The following STPG2 variants were observed in gnomAD, a reference collection of about 807,000 sequenced individuals.
The protein encoded by STPG2 is sperm-tail PG-rich repeat-containing protein 2.
STPG2 carries 56 observed loss-of-function variants against 54.2 expected under a neutral mutation model. The observed-to-expected ratio is 1.03, with a 90% confidence interval of 0.83 to 1.29. STPG2 has a LOEUF of 1.29. Among genes scored for constraint, STPG2 ranks in the 50% most tolerant of loss-of-function variants. The pLI is 0.00. For synonymous variants in STPG2, 200 were observed against 181.8 expected (o/e 1.10, Z -0.81); for missense variants, 596 against 544.9 (o/e 1.09, Z -0.93).
At chr4:97,567,052 A>G (rs569091881) in intron 10 of STPG2, among the ~76,000 whole-genome samples, 11 of 152,008 alleles carry the variant, frequency 7.2e-5, no homozygotes, top group African/African-American at 2.7e-4. Flanking sequence ...ATAAATAAAT[A>G]AATAAAAGAA....
chr4:97,624,751 T>C (rs1163789724), intron 10 of STPG2, among the ~76,000 whole-genome samples: 1 of 152,196 alleles, frequency 6.6e-6, no homozygotes, highest in Non-Finnish European at 1.5e-5. Flanking sequence ...TTTATAGTTT[T>C]GGATGTTCCA....
At chr4:97,812,018 A>T (rs1420256147) in intron 9 of STPG2, among the ~76,000 whole-genome samples, 1 of 152,122 alleles carries the variant, frequency 6.6e-6, no homozygotes, top group Non-Finnish European at 1.5e-5. Flanking sequence ...AGGCCTTTTT[A>T]GCGACTGACA....
At chr4:97,760,082 C>A (rs972665550) in intron 9 of STPG2, among the ~76,000 whole-genome samples, 1 of 152,138 alleles carries the variant, frequency 6.6e-6, no homozygotes, top group African/African-American at 2.4e-5. Flanking sequence ...TATGGGCTAT[C>A]GCTCAAACAG....
At chr4:97,706,648 G>A (rs1315926294) in intron 10 of STPG2, among the ~76,000 whole-genome samples, 2 of 152,126 alleles carry the variant, frequency 1.3e-5, no homozygotes, top group Admixed American at 6.5e-5. Flanking sequence ...ACTTGGGGCA[G>A]GATGAACATT....
intron 8 of STPG2, among the ~76,000 whole-genome samples, chr4:97,904,171 C>T (rs544064928): frequency 6.6e-6 from 1 of 152,180 alleles, no homozygotes; most frequent in Non-Finnish European, 1.5e-5. Flanking sequence ...AAAAAGACAG[C>T]AGTAACCTCT....
chr4:97,738,045 A>G (rs1725076661), intron 9 of STPG2, among the ~76,000 whole-genome samples: 3 of 152,202 alleles, frequency 2.0e-5, no homozygotes, highest in Non-Finnish European at 4.4e-5. Context: ...GAAGAGAGCG[A>G]AGGCCAATAT....
At chr4:97,888,933 C>A (rs1475737988) in intron 8 of STPG2, among the ~76,000 whole-genome samples, 2 of 151,954 alleles carry the variant, frequency 1.3e-5, no homozygotes, top group Non-Finnish European at 2.9e-5. Context: ...GTGTATGGCA[C>A]CTCCCTCCAC....
chr4:98,068,010 C>A (rs555113149), intron 5 of STPG2, among the ~76,000 whole-genome samples: 71 of 152,218 alleles, frequency 4.7e-4, no homozygotes, highest in Middle Eastern at 3.4e-3. Flanking sequence ...ATGACCCAGG[C>A]GTCCAAACCT....
At chr4:97,660,775 G>A (rs977457798) in intron 10 of STPG2, among the ~76,000 whole-genome samples, 2 of 152,126 alleles carry the variant, frequency 1.3e-5, no homozygotes, top group South Asian at 2.1e-4. Flanking sequence ...CAGTTTTATA[G>A]ACAACGAAAT....
intron 10 of STPG2, among the ~76,000 whole-genome samples, chr4:97,678,612 G>T (rs1308336395): frequency 6.6e-6 from 1 of 150,944 alleles, no homozygotes; most frequent in African/African-American, 2.4e-5. Context: ...TTTATTTTTT[G>T]ACTTCTTTTA....
intron 5 of STPG2, among the ~76,000 whole-genome samples, chr4:98,039,825 T>C (rs1736893736): frequency 6.6e-6 from 1 of 151,804 alleles, no homozygotes; most frequent in Non-Finnish European, 1.5e-5. Flanking sequence ...GTATTTTCCT[T>C]TGGGTAGATA....
chr4:97,762,586 G>A (rs1055122645), intron 9 of STPG2, among the ~76,000 whole-genome samples: 1 of 152,010 alleles, frequency 6.6e-6, no homozygotes, highest in Non-Finnish European at 1.5e-5. Flanking sequence ...ATGCCTCAGG[G>A]GAAAACATAC....
At chr4:97,539,499 TA>T (rs1560650526) in intron 4 of STPG2, among the ~76,000 whole-genome samples, 34 of 152,220 alleles carry the variant, frequency 2.2e-4, no homozygotes, top group Non-Finnish European at 1.5e-5. Flanking sequence ...CTAACTATCG[TA>T]AATATTTATG....
chr4:97,540,921 C>T (rs1006815513), intron 4 of STPG2, among the ~76,000 whole-genome samples: 5 of 152,068 alleles, frequency 3.3e-5, no homozygotes, highest in African/African-American at 1.2e-4. Context: ...TTTCAACAGC[C>T]ATTCATGCTA....
chr4:97,670,050 T>TA (rs1722651048), intron 10 of STPG2, among the ~76,000 whole-genome samples: 1 of 152,004 alleles, frequency 6.6e-6, no homozygotes, highest in African/African-American at 2.4e-5. Context: ...GTATCCTTTT[T>TA]TAAAAAAATT....
chr4:97,967,623 G>A lies in STPG2; in HGVS notation c.933+4657C>T, dbSNP rs534193787. Reference sequence around the variant, plus strand: ...ATAGTTGGAAGTAAAACACTCCTCAGCAAATGCAAAAGAACAGAAATCACA... The same window carrying A: ...ATAGTTGGAAGTAAAACACTCCTCAACAAATGCAAAAGAACAGAAATCACA... On this transcript the variant is annotated intron_variant, in intron 7 of 10. Coordinates refer to ENST00000295268, the MANE Select transcript of STPG2 (RefSeq NM_174952.3). Among the ~76,000 whole-genome samples the A allele has an allele frequency of 4.2e-3, 640 of 152,226 alleles. 3 individuals are homozygous for A. Among genetic ancestry groups the A allele is most frequent in the South Asian group, 0.024 (116 of 4,818 alleles).
intron 9 of STPG2, among the ~76,000 whole-genome samples, chr4:97,825,420 G>T (rs767213054): frequency 6.6e-6 from 1 of 152,068 alleles, no homozygotes; most frequent in Non-Finnish European, 1.5e-5. Flanking sequence ...CATGCTCTTC[G>T]ACACCTAGAA....
At chr4:97,729,128 T>C (rs890208196) in intron 9 of STPG2, among the ~76,000 whole-genome samples, 1 of 135,514 alleles carries the variant, frequency 7.4e-6, no homozygotes. Flanking sequence ...AAAAGAGTCA[T>C]AACTCTAGAT....
intron 7 of STPG2, among the ~76,000 whole-genome samples, chr4:97,962,390 A>G (rs2149248958): frequency 6.6e-6 from 1 of 152,294 alleles, no homozygotes; most frequent in South Asian, 2.1e-4. Flanking sequence ...AAACAAATGG[A>G]CCAATACAAT....
Sources: gnomAD v4.1 joint callset for allele counts (sites outside exome capture counted in the v4.1 genomes callset) on GRCh38, gnomAD v4.1.1 for gene constraint, MANE v1.5 for transcripts, NCBI Gene and HGNC (gene_info 2026-07-23, HGNC 2026-07-21) for gene names.